The following PROX1 variants were observed in gnomAD, a reference collection of about 807,000 sequenced individuals.
PROX1 encodes the protein prospero homeobox 1.
Under a neutral mutation model 58.8 loss-of-function variants are expected in PROX1, and 7 were observed. The ratio of observed to expected loss-of-function variants is 0.12; its 90% CI spans 0.07 to 0.22. The LOEUF (loss-of-function observed/expected upper bound fraction) is 0.22. PROX1 is among the 10% of genes least tolerant of loss of function. The probability of loss-of-function intolerance (pLI) is 1.00; values close to 1 mark genes in which losing one functional copy is unlikely to be tolerated. For missense variants in PROX1, 675 were observed against 927.8 expected (o/e 0.73, Z 3.54); for synonymous variants, 350 against 358.3 (o/e 0.98, Z 0.26).
chr1:213,995,021 G>T (rs1224707227), intron 1 of PROX1, among the ~76,000 whole-genome samples: 4 of 151,726 alleles, frequency 2.6e-5, no homozygotes, highest in Non-Finnish European at 5.9e-5. Flanking sequence ...ATTCTTTAAA[G>T]CTAGCCACAG....
At chr1:213,987,258 C>T (rs1391261093), upstream of PROX1, among the ~76,000 whole-genome samples, 1 of 152,136 alleles carries the variant, frequency 6.6e-6, no homozygotes, top group East Asian at 1.9e-4. Context: ...GCAGCGGACC[C>T]GATGTGAAAC....
At chr1:214,010,184 G>A (rs948745121) in intron 3 of PROX1, among the ~76,000 whole-genome samples, 7 of 152,076 alleles carry the variant, frequency 4.6e-5, no homozygotes, top group Non-Finnish European at 7.4e-5. Flanking sequence ...CTTGCAAGCA[G>A]AAGCGATTTG....
chr1:214,040,362 C>G lies in PROX1; in HGVS notation c.*4528C>G, dbSNP rs1361243959. 1 of 151,990 alleles carries G rather than the reference C, an allele frequency of 6.6e-6. No homozygotes were observed. Among genetic ancestry groups the G allele is most frequent in the Non-Finnish European group, 1.5e-5 (1 of 67,994 alleles). 9.4% of individuals were successfully genotyped at this position (151,990 alleles called of 1,614,324 possible). A position where few individuals can be genotyped will look rare whatever the true frequency, so the allele number is the denominator to read the frequency against. On this transcript the variant is annotated 3_prime_UTR_variant, in exon 5 of 5. Transcript: ENST00000366958. ...CTGAGCCTTCTCTCAAATCTGACAC[C>G]CCCTCAGAATGCACAAACATAAGCA...
Position 213,988,411 on chromosome 1 carries a change from AG to A in PROX1, c.-139del, listed in dbSNP as rs66760546. ...TCCTCTCTCTGCCGGGGGAAAAAAA[AG>A]AGAGAGAGAGAGATAGAGAGAGAGA... On this transcript the variant is annotated 5_prime_UTR_variant, in exon 1 of 5. Transcript: ENST00000366958. The A allele has an allele frequency of 0.46, 67,537 of 147,750 alleles. 16,146 individuals carry two copies. Among genetic ancestry groups the A allele is most frequent in the South Asian group, 0.58 (2,734 of 4,694 alleles). 9.2% of individuals were successfully genotyped at this position (147,750 alleles called of 1,614,324 possible).
rs199685959 is a variant in PROX1 at position 214,035,883 on chromosome 1, G to C, written c.*49G>C. ...TGTATGAAGAGTAGCAGTCCCCTTT[G>C]GATGTCCAAGTTATATGTGTCTAGA... is the stretch of plus-strand genomic sequence containing the variant. On this transcript the variant is annotated 3_prime_UTR_variant, in exon 5 of 5. Coordinates refer to ENST00000366958, the MANE Select transcript of PROX1 (RefSeq NM_001270616.2). 8 of 1,509,854 alleles carry C rather than the reference G, an allele frequency of 5.3e-6. No individual in the cohort carries two copies. The highest frequency in any genetic ancestry group is 7.2e-6 in the Non-Finnish European group (8 of 1,112,024). The allele number at this position is 1,509,854 out of a possible 1,614,324, so 93.5% of individuals were successfully genotyped here.
chr1:214,018,105 C>CA (rs1664157544), intron 4 of PROX1, among the ~76,000 whole-genome samples: 1 of 152,142 alleles, frequency 6.6e-6, no homozygotes, highest in Non-Finnish European at 1.5e-5. Flanking sequence ...CTAGATGAAA[C>CA]AAATTCATTT....
Position 213,992,357 on chromosome 1 carries a change from C to G in PROX1, c.-68+3874C>G, listed in dbSNP as rs1219190086. Among the ~76,000 whole-genome samples, 3 of 152,068 alleles carry G rather than the reference C, an allele frequency of 2.0e-5. No individual in the cohort carries two copies. The East Asian group carries it at 5.8e-4, about 29-fold the overall frequency. On this transcript the variant is annotated intron_variant, in intron 1 of 4. Transcript: ENST00000366958. ...AAGGTTTTCTTAACCTGATAGGGAG[C>G]AGAAATATCTCCAATATCTCTGAAG... is the stretch of plus-strand genomic sequence containing the variant.
intron 4 of PROX1, 140 bp from the exon 5 acceptor site, chr1:214,035,509 T>C (rs1201724739): frequency 1.3e-6 from 1 of 752,074 alleles, no homozygotes; most frequent in East Asian, 2.8e-5. Flanking sequence ...ATTAAAAGAA[T>C]AGAAGCCAGC....
At chr1:214,008,521 A>C (rs1386347393) in intron 3 of PROX1, among the ~76,000 whole-genome samples, 3 of 152,184 alleles carry the variant, frequency 2.0e-5, no homozygotes, top group Non-Finnish European at 2.9e-5. Context: ...CTTGGAGGAT[A>C]GAGCTAGATG....
In PROX1 at chr1:214,038,151, C is replaced by T. The variant is rs1026180096; in HGVS notation, c.*2317C>T. 4.6e-5 allele frequency: 7 copies of T among 152,160 alleles called. No individual in the cohort carries two copies. Among genetic ancestry groups the T allele is most frequent in the African/African-American group, 1.4e-4 (6 of 41,428 alleles). The allele number at this position is 152,160 out of a possible 1,614,324, so 9.4% of individuals were successfully genotyped here. The stretch of plus-strand genomic sequence containing the variant: ...CAAATTAAGCAAAAGTGTGTGTTCA[C>T]AACCAAATGTTGATGCCCTTATCTA... On this transcript the variant is annotated 3_prime_UTR_variant, in exon 5 of 5. Coordinates refer to ENST00000366958, the MANE Select transcript of PROX1 (RefSeq NM_001270616.2).
intron 1 of PROX1, among the ~76,000 whole-genome samples, chr1:213,992,698 C>T (rs1438411065): frequency 1.3e-5 from 2 of 152,134 alleles, no homozygotes; most frequent in Non-Finnish European, 2.9e-5. Flanking sequence ...GCCAACCTTA[C>T]ACTCTCCCTG....
chr1:214,032,877 T>G (rs186599809), intron 4 of PROX1, among the ~76,000 whole-genome samples: 34 of 152,296 alleles, frequency 2.2e-4, no homozygotes, highest in Non-Finnish European at 1.5e-5. Flanking sequence ...GAAAGGAATA[T>G]TTAAAACAGA....
At chr1:214,032,205 A>G (rs892657129) in intron 4 of PROX1, among the ~76,000 whole-genome samples, 1 of 152,152 alleles carries the variant, frequency 6.6e-6, no homozygotes, top group Non-Finnish European at 1.5e-5. Flanking sequence ...AATAGTAGAA[A>G]TTGCTGAAAA....
intron 4 of PROX1, among the ~76,000 whole-genome samples, chr1:214,031,064 TGTGC>T (rs376561956): frequency 5.6e-5 from 8 of 141,796 alleles, no homozygotes; most frequent in African/African-American, 1.1e-4. Flanking sequence ...TGTGTGTGTG[TGTGC>T]GCGCGCGCGC....
intron 2 of PROX1, among the ~76,000 whole-genome samples, chr1:214,002,211 C>T (rs1299912484): frequency 6.6e-6 from 1 of 152,068 alleles, no homozygotes; most frequent in East Asian, 1.9e-4. Flanking sequence ...CTTTTTGCTG[C>T]CTCCGCTGCT....
intron 1 of PROX1, among the ~76,000 whole-genome samples, chr1:213,989,066 C>T (rs757211161): frequency 1.3e-5 from 2 of 152,170 alleles, no homozygotes; most frequent in Non-Finnish European, 2.9e-5. Context: ...TTCTTCCCGG[C>T]TCTTCCAATT....
intron 4 of PROX1, among the ~76,000 whole-genome samples, chr1:214,033,165 G>A (rs1664717127): frequency 6.6e-6 from 1 of 152,192 alleles, no homozygotes; most frequent in Admixed American, 6.5e-5. Context: ...CTCTGGGGCA[G>A]CTGCCCACAC....
At chr1:214,019,305 G>T (rs1021469223) in intron 4 of PROX1, among the ~76,000 whole-genome samples, 1 of 151,844 alleles carries the variant, frequency 6.6e-6, no homozygotes, top group Non-Finnish European at 1.5e-5. Context: ...ATTGACATCC[G>T]TGATCATATT....
At chr1:214,002,102 G>GTAC (rs1478148206) in intron 2 of PROX1, among the ~76,000 whole-genome samples, 1 of 152,132 alleles carries the variant, frequency 6.6e-6, no homozygotes, top group Non-Finnish European at 1.5e-5. Context: ...CATTTGCTGG[G>GTAC]AACTGCAGCA....
Sources: allele counts gnomAD v4.1 joint callset (sites outside exome capture counted in the v4.1 genomes callset), GRCh38; gene constraint gnomAD v4.1.1; transcripts MANE v1.5; gene names NCBI Gene and HGNC (gene_info 2026-07-23, HGNC 2026-07-21).